Variants in EYS observed in about 807,000 individuals in gnomAD.
EYS encodes protein eyes shut homolog.
A neutral mutation model predicts 282.1 loss-of-function variants in EYS; 250 were observed. That is an observed-to-expected ratio of 0.89 (90% confidence interval 0.80 to 0.98). The LOEUF (loss-of-function observed/expected upper bound fraction) is 0.98, where lower values mean the gene tolerates loss of function less well. EYS is among the 50% of genes least tolerant of loss of function. The pLI is 0.00. For synonymous variants in EYS, 1,355 were observed against 1,282.9 expected (o/e 1.06, Z -1.20); for missense variants, 4,016 against 3,709.0 (o/e 1.08, Z -2.15).
chr6:64,252,534 A>T (rs976029848), intron 30 of EYS, among the ~76,000 whole-genome samples: 3 of 152,098 alleles, frequency 2.0e-5, no homozygotes, highest in Non-Finnish European at 2.9e-5. Context: ...TTCTTAGAAC[A>T]TTCAGAGACT....
chr6:64,443,558 A>G (rs1032003866), intron 26 of EYS, among the ~76,000 whole-genome samples: 6 of 152,190 alleles, frequency 3.9e-5, no homozygotes, highest in African/African-American at 1.4e-4. Flanking sequence ...CTTGTAGCCC[A>G]TAATTCTCAC....
intron 11 of EYS, among the ~76,000 whole-genome samples, chr6:65,317,948 ACCT>A (rs1279033062): frequency 6.8e-6 from 1 of 148,144 alleles, no homozygotes. Flanking sequence ...GCTCACCGCA[ACCT>A]CCTCCTCCGG....
intron 26 of EYS, among the ~76,000 whole-genome samples, chr6:64,467,384 T>A (rs967109795): frequency 6.6e-6 from 1 of 152,124 alleles, no homozygotes; most frequent in African/African-American, 2.4e-5. Flanking sequence ...TAAGAAAAAT[T>A]TAATTTTTTT....
intron 37 of EYS, among the ~76,000 whole-genome samples, chr6:63,793,544 A>T (rs1286719210): frequency 2.6e-5 from 4 of 152,218 alleles, no homozygotes; most frequent in Non-Finnish European, 4.4e-5. Flanking sequence ...AAATTTTAAT[A>T]TTTTAATTTT....
intron 2 of EYS, among the ~76,000 whole-genome samples, chr6:65,610,137 C>T (rs544244712): frequency 6.6e-6 from 1 of 152,084 alleles, no homozygotes; most frequent in Admixed American, 6.6e-5. Flanking sequence ...CAAACTCAGG[C>T]CACAAGTGAA....
intron 41 of EYS, chr6:63,744,719 C>G (rs1424634975): frequency 1.2e-5 from 2 of 170,778 alleles, no homozygotes; most frequent in Non-Finnish European, 2.5e-5. Flanking sequence ...GGGCGCCCAC[C>G]ACTACACCCG....
intron 19 of EYS, among the ~76,000 whole-genome samples, chr6:64,880,219 A>G (rs539242263): frequency 3.2e-4 from 47 of 147,502 alleles, no homozygotes; most frequent in Non-Finnish European, 6.0e-4. Context: ...GTCTTTGTAC[A>G]TTGTATATTT....
At chr6:63,844,943 GT>G (rs1428144775) in intron 36 of EYS, among the ~76,000 whole-genome samples, 4 of 152,138 alleles carry the variant, frequency 2.6e-5, no homozygotes, top group Non-Finnish European at 5.9e-5. Flanking sequence ...TAATGCCTAT[GT>G]TCTGAATGGT....
chr6:65,054,935 A>T (rs575383441), intron 13 of EYS, among the ~76,000 whole-genome samples: 2 of 151,800 alleles, frequency 1.3e-5, no homozygotes, highest in Admixed American at 1.3e-4. Flanking sequence ...TTTTAATGGA[A>T]AATATTTTGG....
intron 18 of EYS, among the ~76,000 whole-genome samples, chr6:64,901,319 C>G (rs922395681): frequency 1.6e-5 from 1 of 64,284 alleles, no homozygotes; most frequent in African/African-American, 7.4e-5. Context: ...TATATATAGG[C>G]AGATGCCATA....
chr6:64,798,134 T>C (rs932583477), intron 22 of EYS, among the ~76,000 whole-genome samples: 20 of 151,914 alleles, frequency 1.3e-4, no homozygotes, highest in African/African-American at 4.8e-4. Context: ...AGAGAAATTT[T>C]GTCACACCTA....
At chr6:64,609,833 G>A (rs1554185158) in intron 24 of EYS, among the ~76,000 whole-genome samples, 1 of 151,934 alleles carries the variant, frequency 6.6e-6, no homozygotes, top group Non-Finnish European at 1.5e-5. Flanking sequence ...GCTGCAGTGA[G>A]CTATCATCAT....
intron 8 of EYS, among the ~76,000 whole-genome samples, chr6:65,375,608 T>C (rs1359558797): frequency 6.6e-6 from 1 of 151,748 alleles, no homozygotes; most frequent in South Asian, 2.1e-4. Context: ...AAGGAAGCAA[T>C]GCAAGGAAGC....
intron 31 of EYS, among the ~76,000 whole-genome samples, chr6:64,133,767 C>A (rs1774068127): frequency 6.6e-6 from 1 of 151,972 alleles, no homozygotes; most frequent in Non-Finnish European, 1.5e-5. Context: ...GATCTCTGGG[C>A]CTAACTAAAT....
intron 11 of EYS, chr6:65,331,550 A>G: frequency 1.0e-6 from 1 of 964,206 alleles, no homozygotes. Context: ...AATATCAAGA[A>G]CTCATTAAAG....
intron 5 of EYS, among the ~76,000 whole-genome samples, chr6:65,442,922 GTACA>G (rs1301206456): frequency 1.0e-5 from 1 of 99,130 alleles, no homozygotes; most frequent in Non-Finnish European, 2.6e-5. Context: ...ACATACATAT[GTACA>G]TATATGTATA....
intron 33 of EYS, among the ~76,000 whole-genome samples, chr6:64,035,805 C>T (rs142820237): frequency 6.6e-6 from 1 of 152,028 alleles, no homozygotes; most frequent in African/African-American, 2.4e-5. Flanking sequence ...ATTTTTATCT[C>T]TTTAAATTCT....
chr6:65,486,431 G>T (rs900451412), intron 5 of EYS, among the ~76,000 whole-genome samples: 1 of 152,102 alleles, frequency 6.6e-6, no homozygotes, highest in East Asian at 1.9e-4. Flanking sequence ...GCTGCATCTT[G>T]CTCAAAATCA....
intron 35 of EYS, among the ~76,000 whole-genome samples, chr6:63,941,393 G>A (rs905847567): frequency 6.6e-6 from 1 of 152,110 alleles, no homozygotes; most frequent in South Asian, 2.1e-4. Flanking sequence ...GTGTGAGATG[G>A]TATCTCATTA....
Sources: gnomAD v4.1 joint callset for allele counts (sites outside exome capture counted in the v4.1 genomes callset) on GRCh38, gnomAD v4.1.1 for gene constraint, MANE v1.5 for transcripts, NCBI Gene and HGNC (gene_info 2026-07-23, HGNC 2026-07-21) for gene names.